Variants in RBFOX1 observed in about 807,000 individuals in gnomAD.
The protein encoded by RBFOX1 is RNA binding fox-1 homolog 1, also known as RNA binding protein fox-1 homolog 1.
A neutral mutation model predicts 57.7 loss-of-function variants in RBFOX1; 8 were observed. That is an observed-to-expected ratio of 0.14 (90% CI 0.08 to 0.25). RBFOX1 has a LOEUF of 0.25. RBFOX1 is among the 10% of genes least tolerant of loss of function. RBFOX1 has a pLI of 1.00. For synonymous variants in RBFOX1, 326 were observed against 222.4 expected, an observed-to-expected ratio of 1.47 and a Z score of -4.15; for missense variants, 611 against 548.5, an observed-to-expected ratio of 1.11 and a Z score of -1.14.
intron 3 of RBFOX1, among the ~76,000 whole-genome samples, chr16:6,812,685 G>C (rs1173426551): frequency 4.6e-5 from 7 of 152,114 alleles, no homozygotes; most frequent in African/African-American, 7.2e-5. Flanking sequence ...CCTTGGTTCA[G>C]TTTTTAATGC....
chr16:6,681,701 A>G (rs2058679041), intron 3 of RBFOX1, among the ~76,000 whole-genome samples: 1 of 151,672 alleles, frequency 6.6e-6, no homozygotes, highest in African/African-American at 2.4e-5. Flanking sequence ...TTCTCCAATG[A>G]GTAAAATGTT....
chr16:5,931,842 C>G (rs991057061), intron 4 of RBFOX1, among the ~76,000 whole-genome samples: 1 of 152,184 alleles, frequency 6.6e-6, no homozygotes, highest in Non-Finnish European at 1.5e-5. Flanking sequence ...AGGTCTTGCT[C>G]TGTCTCCCAG....
At chr16:5,549,776 C>G (rs1046118724) in intron 2 of RBFOX1, among the ~76,000 whole-genome samples, 1 of 152,054 alleles carries the variant, frequency 6.6e-6, no homozygotes, top group Non-Finnish European at 1.5e-5. Flanking sequence ...TGGAAAAGAC[C>G]TGAAGTTTGG....
At chr16:5,847,907 G>A (rs200555857) in intron 3 of RBFOX1, among the ~76,000 whole-genome samples, 2 of 152,234 alleles carry the variant, frequency 1.3e-5, no homozygotes, top group African/African-American at 4.8e-5. Flanking sequence ...TAATTGTCCA[G>A]GACTCTAGGG....
intron 3 of RBFOX1, among the ~76,000 whole-genome samples, chr16:6,729,398 C>T (rs542880709): frequency 1.3e-5 from 2 of 152,250 alleles, no homozygotes; most frequent in East Asian, 3.9e-4. Flanking sequence ...TATCAAGTAC[C>T]TTTTATCTTC....
intron 4 of RBFOX1, among the ~76,000 whole-genome samples, chr16:7,400,627 C>T (rs1469006688): frequency 6.6e-6 from 1 of 152,208 alleles, no homozygotes; most frequent in Non-Finnish European, 1.5e-5. Flanking sequence ...CTAACCCCTT[C>T]CTAAATTTGA....
chr16:7,111,828 T>C (rs1024652521), intron 4 of RBFOX1, among the ~76,000 whole-genome samples: 1 of 152,130 alleles, frequency 6.6e-6, no homozygotes, highest in Non-Finnish European at 1.5e-5. Context: ...AGAAGTAAAC[T>C]TTATAATTCC....
chr16:7,518,079 G>A (rs1021179166), intron 4 of RBFOX1, 68 bp from the exon 5 acceptor site: 13 of 1,542,938 alleles, frequency 8.4e-6, no homozygotes, highest in African/African-American at 2.7e-5. Context: ...TGGGATCTGG[G>A]AGGAAGGTTT....
chr16:7,241,338 C>G (rs1603434785), intron 4 of RBFOX1, among the ~76,000 whole-genome samples: 1 of 152,120 alleles, frequency 6.6e-6, no homozygotes, highest in East Asian at 1.9e-4. Context: ...CAGGTCACCT[C>G]CTGGCCCGTT....
intron 4 of RBFOX1, among the ~76,000 whole-genome samples, chr16:7,061,045 C>T (rs372292355): frequency 2.7e-4 from 25 of 93,886 alleles, no homozygotes; most frequent in African/African-American, 7.5e-4. Context: ...TGTGTACGTG[C>T]ACGTGCACAC....
intron 3 of RBFOX1, among the ~76,000 whole-genome samples, chr16:5,748,912 TA>T (rs1326718906): frequency 1.1e-4 from 17 of 152,206 alleles, no homozygotes; most frequent in Non-Finnish European, 2.4e-4. Flanking sequence ...TTCCTGTCAT[TA>T]TGATGTTAGC....
intron 3 of RBFOX1, among the ~76,000 whole-genome samples, chr16:6,790,172 T>G (rs1307645461): frequency 9.9e-5 from 14 of 141,930 alleles, no homozygotes; most frequent in African/African-American, 3.9e-4. Context: ...TTTTATTCTA[T>G]TATTATTATT....
chr16:7,081,009 C>T lies in RBFOX1; in HGVS notation c.27+28911C>T, dbSNP rs572864181. Among the ~76,000 whole-genome samples the T allele has an allele frequency of 7.2e-5, 11 of 152,280 alleles. No homozygotes were observed. The East Asian group carries it at 1.2e-3, about 16-fold the overall frequency. ...CCTCACTTCCCCTCCTCAGCCCTTG[C>T]GAGTTGCTGGCCGTAGCCACACTGG... On this transcript the variant is annotated intron_variant, in intron 4 of 15. Transcript: ENST00000550418.
At chr16:6,958,225 T>A (rs1005789749) in intron 3 of RBFOX1, among the ~76,000 whole-genome samples, 2 of 152,240 alleles carry the variant, frequency 1.3e-5, no homozygotes, top group African/African-American at 4.8e-5. Flanking sequence ...CTTGGCCGTC[T>A]TTGCTGAGCC....
chr16:5,310,832 CTT>C (rs1175660558), intron 1 of RBFOX1, among the ~76,000 whole-genome samples: 1 of 152,140 alleles, frequency 6.6e-6, no homozygotes, highest in Non-Finnish European at 1.5e-5. Context: ...GAAGTACACT[CTT>C]TTCTTTAAAA....
intron 14 of RBFOX1, among the ~76,000 whole-genome samples, chr16:7,688,010 C>G (rs1029546314): frequency 1.8e-4 from 28 of 151,962 alleles, no homozygotes; most frequent in African/African-American, 6.3e-4. Context: ...AAAAACAATC[C>G]TAGCTGAATA....
intron 3 of RBFOX1, among the ~76,000 whole-genome samples, chr16:5,805,301 G>A (rs1478649700): frequency 1.3e-5 from 2 of 152,152 alleles, no homozygotes; most frequent in African/African-American, 2.4e-5. Context: ...CATTCCATAA[G>A]CACTGATTTA....
intron 1 of RBFOX1, among the ~76,000 whole-genome samples, chr16:6,263,882 T>C (rs1206046373): frequency 6.6e-6 from 1 of 152,186 alleles, no homozygotes; most frequent in African/African-American, 2.4e-5. Context: ...TTGGTAGCAG[T>C]GGCCACCACC....
intron 3 of RBFOX1, among the ~76,000 whole-genome samples, chr16:5,635,248 T>C (rs970790494): frequency 8.5e-5 from 13 of 152,226 alleles, no homozygotes; most frequent in Admixed American, 3.3e-4. Flanking sequence ...CTTCATTCTA[T>C]TGACCTCACT....
Sources: gnomAD v4.1 joint callset for allele counts (sites outside exome capture counted in the v4.1 genomes callset) on GRCh38, gnomAD v4.1.1 for gene constraint, MANE v1.5 for transcripts, NCBI Gene and HGNC (gene_info 2026-07-23, HGNC 2026-07-21) for gene names.